EXT1: variants seen among roughly 807,000 people sequenced by gnomAD.
EXT1 encodes the protein exostosin glycosyltransferase 1.
Under a neutral mutation model 82.5 loss-of-function variants are expected in EXT1, and 20 were observed. The ratio of observed to expected loss-of-function variants is 0.24; its 90% CI spans 0.17 to 0.35. EXT1 has a LOEUF of 0.35. EXT1 is among the 10% of genes least tolerant of loss of function. EXT1 has a pLI of 1.00. For missense variants in EXT1, 757 were observed against 936.5 expected (o/e 0.81, Z 2.50); for synonymous variants, 348 against 350.8 (o/e 0.99, Z 0.09).
At chr8:117,856,135 T>G (rs974450612) in intron 1 of EXT1, among the ~76,000 whole-genome samples, 1 of 152,128 alleles carries the variant, frequency 6.6e-6, no homozygotes, top group African/African-American at 2.4e-5. Context: ...AGTGAACACA[T>G]GAATGATAAG....
chr8:118,103,668 G>A (rs1033791625), intron 1 of EXT1, among the ~76,000 whole-genome samples: 2 of 152,098 alleles, frequency 1.3e-5, no homozygotes, highest in Non-Finnish European at 2.9e-5. Flanking sequence ...TACAATCACA[G>A]AGGGACACCC....
At chr8:117,963,856 C>T (rs142404757) in intron 1 of EXT1, among the ~76,000 whole-genome samples, 1 of 152,250 alleles carries the variant, frequency 6.6e-6, no homozygotes, top group East Asian at 1.9e-4. Flanking sequence ...AAAAATGCTC[C>T]TGCTAACTAT....
Position 117,807,288 on chromosome 8 carries a change from C to T in EXT1, c.1812G>A (p.Glu604=), listed in dbSNP as rs1442583172. ...TCCACTTTGATGTGTATCCCCACCG[C>T]TCCTTAGAGTTATCCCAGAAGTGGC... The part of the protein sequence containing the change: ...ARSHFWDNSK[E]RWGYTSKWTN... The change falls in exon 9 of 11, where the codon GAG becomes GAA. Residue 604 remains glutamate (E), a synonymous_variant. Transcript: ENST00000378204. The T allele has an allele frequency of 6.2e-7, 1 of 1,614,216 alleles. No individual in the cohort carries two copies. Among genetic ancestry groups the T allele is most frequent in the Non-Finnish European group, 8.5e-7 (1 of 1,180,042 alleles).
At chr8:117,861,300 A>G (rs1264009221) in intron 1 of EXT1, among the ~76,000 whole-genome samples, 1 of 152,226 alleles carries the variant, frequency 6.6e-6, no homozygotes, top group Non-Finnish European at 1.5e-5. Flanking sequence ...CATAGCAGCT[A>G]AGATATAAAA....
intron 1 of EXT1, among the ~76,000 whole-genome samples, chr8:117,981,488 C>G (rs1424336944): frequency 1.3e-5 from 2 of 152,144 alleles, no homozygotes; most frequent in Non-Finnish European, 2.9e-5. Flanking sequence ...TTCATTTAAC[C>G]AGGTCTCAAA....
chr8:117,835,393 G>T, intron 3 of EXT1, 51 bp downstream of exon 3: 1 of 1,361,866 alleles, frequency 7.3e-7, no homozygotes, highest in Non-Finnish European at 1.1e-6. Context: ...AAGTTTGGAC[G>T]GGGGCAGCAA....
At chr8:117,860,310 T>TG (rs1812659311) in intron 1 of EXT1, among the ~76,000 whole-genome samples, 2 of 152,012 alleles carry the variant, frequency 1.3e-5, no homozygotes, top group African/African-American at 4.8e-5. Context: ...TGGGTACACA[T>TG]GGACATACAG....
rs374146704 is a variant in EXT1 at position 118,030,676 on chromosome 8, T to C, written c.962+79409A>G. On this transcript the variant is annotated intron_variant, in intron 1 of 10. Coordinates refer to ENST00000378204, the MANE Select transcript of EXT1 (RefSeq NM_000127.3). ...TTTTTGTACTTAGTAGAGATGGGGT[T>C]TCACCATGTTGGTCAGGCTGGTCTC... Among the ~76,000 whole-genome samples, 366 of 152,230 alleles carry C rather than the reference T, an allele frequency of 2.4e-3. 3 individuals carry two copies. The highest frequency in any genetic ancestry group is 0.017 in the South Asian group (81 of 4,822).
intron 1 of EXT1, among the ~76,000 whole-genome samples, chr8:117,987,744 G>A (rs1417780891): frequency 6.6e-6 from 1 of 152,146 alleles, no homozygotes; most frequent in Non-Finnish European, 1.5e-5. Flanking sequence ...ACCACATAAG[G>A]GAGGCTGGGA....
At position 117,799,893 on chromosome 8, in the gene EXT1, G is replaced by A. The variant is rs1282927259; in HGVS notation, c.2060C>T (p.Ser687Phe). 1 of 1,613,972 alleles carries A rather than the reference G, an allele frequency of 6.2e-7. No homozygotes were observed. The highest frequency in any genetic ancestry group is 8.5e-7 in the Non-Finnish European group (1 of 1,180,026). Residue 687 changes from serine (S) to phenylalanine (F), a missense_variant, in exon 11 of 11, where the codon TCT becomes TTT. By Grantham distance (155) the Ser-to-Phe change is radical. Coordinates refer to ENST00000378204, the MANE Select transcript of EXT1 (RefSeq NM_000127.3). ...QYKETMMGQT[S>F]RASRWADPDH... ...AGGGTCAGCCCAACGGGAAGCCCGA[G>A]AAGTCTAGGGAGAAGGAGAGAAACA...
chr8:118,082,854 AT>A (rs1478975100), intron 1 of EXT1, among the ~76,000 whole-genome samples: 5 of 152,164 alleles, frequency 3.3e-5, no homozygotes, highest in Admixed American at 2.6e-4. Context: ...TCCCTCACTC[AT>A]TCTAAATTTC....
intron 1 of EXT1, among the ~76,000 whole-genome samples, chr8:117,990,302 T>G (rs1489044675): frequency 6.6e-6 from 1 of 152,202 alleles, no homozygotes; most frequent in Non-Finnish European, 1.5e-5. Context: ...TGTAGAACTG[T>G]CTATAGCAGA....
intron 1 of EXT1, among the ~76,000 whole-genome samples, chr8:118,039,516 C>T (rs1166551992): frequency 5.2e-5 from 7 of 134,698 alleles, no homozygotes; most frequent in African/African-American, 1.4e-4. Context: ...GCCGAGATGG[C>T]GCCACTTCAC....
At chr8:117,969,746 T>C (rs990009546) in intron 1 of EXT1, among the ~76,000 whole-genome samples, 5 of 152,218 alleles carry the variant, frequency 3.3e-5, no homozygotes, top group Non-Finnish European at 7.3e-5. Flanking sequence ...GTGGTTGAGA[T>C]GGAAACCTTT....
intron 1 of EXT1, among the ~76,000 whole-genome samples, chr8:118,065,822 C>T (rs574087807): frequency 2.6e-5 from 4 of 152,180 alleles, no homozygotes; most frequent in Non-Finnish European, 4.4e-5. Flanking sequence ...GTACTTGTCC[C>T]AAATCTTCCA....
At chr8:118,062,011 G>A (rs1816888769) in intron 1 of EXT1, among the ~76,000 whole-genome samples, 2 of 152,000 alleles carry the variant, frequency 1.3e-5, no homozygotes, top group African/African-American at 4.8e-5. Flanking sequence ...AAATTCCACA[G>A]GAAACTTAGA....
chr8:118,007,319 T>TC (rs1815800835), intron 1 of EXT1, among the ~76,000 whole-genome samples: 3 of 151,946 alleles, frequency 2.0e-5, no homozygotes, highest in Non-Finnish European at 4.4e-5. Flanking sequence ...AAAAAAGCAT[T>TC]TGATGGCCCT....
intron 1 of EXT1, among the ~76,000 whole-genome samples, chr8:118,070,226 CTGTGTGTG>C (rs36229782): frequency 0.09 from 11,996 of 133,388 alleles, 552 homozygotes; most frequent in Middle Eastern, 0.16. Flanking sequence ...TCATAAATTT[CTGTGTGTG>C]TGTGTGTGTG....
At chr8:118,034,432 G>A (rs1341044065) in intron 1 of EXT1, among the ~76,000 whole-genome samples, 3 of 151,908 alleles carry the variant, frequency 2.0e-5, no homozygotes, top group Non-Finnish European at 4.4e-5. Flanking sequence ...ATGTCTTCTC[G>A]AAGAGAAAAC....
Sources: gnomAD v4.1 joint callset for allele counts (sites outside exome capture counted in the v4.1 genomes callset) on GRCh38, gnomAD v4.1.1 for gene constraint, MANE v1.5 for transcripts, NCBI Gene and HGNC (gene_info 2026-07-23, HGNC 2026-07-21) for gene names.